API5: variants seen among roughly 807,000 people sequenced by gnomAD.
API5 encodes FIF.
A neutral mutation model predicts 71.9 loss-of-function variants in API5; 6 were observed. The observed-to-expected ratio is 0.08, with a 90% CI of 0.05 to 0.16. API5 has a LOEUF of 0.16. Among genes scored for constraint, API5 ranks in the 10% least tolerant of loss-of-function variants. The pLI is 1.00. For synonymous variants in API5, 189 were observed against 221.3 expected (o/e 0.85, Z 1.30); for missense variants, 332 against 612.8 (o/e 0.54, Z 4.84).
chr11:43,334,715 G>T (rs1020667088), intron 11 of API5, among the ~76,000 whole-genome samples: 2 of 151,934 alleles, frequency 1.3e-5, no homozygotes, highest in African/African-American at 2.4e-5. Context: ...TGATCACTCG[G>T]TATTTAAATC....
chr11:43,330,030 A>G lies in API5; in HGVS notation c.1193A>G (p.Lys398Arg). Residue 398 changes from lysine (K) to arginine (R), a missense_variant, in exon 10 of 14, where the codon AAA becomes AGA. This residue lies in a region of API5 where 168 missense variants were observed against 343.9 expected (regional missense o/e 0.49). Transcript: ENST00000531273. ...CAACTTCGCTTAGCTCTCCAGGGTAAAACGGGTGAGGCCTTAAAAACAGAA... is the reference window on the plus strand; with the variant it reads ...CAACTTCGCTTAGCTCTCCAGGGTAGAACGGGTGAGGCCTTAAAAACAGAA... ...IRQLRLALQG[K>R]TGEALKTEEN... The G allele has an allele frequency of 6.2e-7, 1 of 1,613,870 alleles. No individual in the cohort carries two copies.
At chr11:43,337,683 A>G (rs1208017978) in intron 13 of API5, among the ~76,000 whole-genome samples, 1 of 152,232 alleles carries the variant, frequency 6.6e-6, no homozygotes, top group Non-Finnish European at 1.5e-5. Context: ...GTTGAATCAC[A>G]TGTTGTTCTC....
At chr11:43,323,745 G>C (rs1854973733) in intron 6 of API5, 109 bp downstream of exon 6, 1 of 1,042,496 alleles carries the variant, frequency 9.6e-7, no homozygotes, top group Non-Finnish European at 1.4e-6. Flanking sequence ...TATCTGAAAT[G>C]CTTGCTTGGA....
chr11:43,330,614 C>A, intron 11 of API5, 50 bp downstream of exon 11: 1 of 1,385,266 alleles, frequency 7.2e-7, no homozygotes, highest in Non-Finnish European at 1.0e-6. Context: ...TAAAATCATA[C>A]ATTTATTTAT....
At chr11:43,319,863 A>AT (rs1565101718) in intron 2 of API5, among the ~76,000 whole-genome samples, 2 of 152,210 alleles carry the variant, frequency 1.3e-5, no homozygotes, top group South Asian at 4.1e-4. Context: ...CACAGTAGCC[A>AT]TTTTTTAGGA....
chr11:43,313,138 T>C (rs1450810443), intron 1 of API5, among the ~76,000 whole-genome samples: 1 of 151,888 alleles, frequency 6.6e-6, no homozygotes, highest in Non-Finnish European at 1.5e-5. Context: ...TTTTAAAAAT[T>C]TATTCTTTTT....
At chr11:43,330,691 T>A (rs918015789) in intron 11 of API5, 127 bp downstream of exon 11, 1 of 721,966 alleles carries the variant, frequency 1.4e-6, no homozygotes, top group Non-Finnish European at 2.3e-6. Flanking sequence ...CTCAAAGCAT[T>A]GAAACAGATA....
intron 13 of API5, among the ~76,000 whole-genome samples, chr11:43,336,822 CAG>C (rs547049175): frequency 1.6e-3 from 237 of 151,864 alleles, no homozygotes; most frequent in Non-Finnish European, 2.8e-3. Flanking sequence ...TCCTGGCTAA[CAG>C]GGTGAAACCC....
chr11:43,314,074 G>A (rs1046824410), intron 1 of API5, among the ~76,000 whole-genome samples: 1 of 151,058 alleles, frequency 6.6e-6, no homozygotes, highest in African/African-American at 2.4e-5. Flanking sequence ...GGGCAACAGA[G>A]CAAGACTCCA....
intron 1 of API5, 151 bp from the exon 2 acceptor site, chr11:43,318,489 G>A: frequency 6.5e-7 from 1 of 1,538,732 alleles, no homozygotes; most frequent in Non-Finnish European, 8.7e-7. Context: ...GAAGGTAAGT[G>A]TCAGTTTGAG....
intron 13 of API5, among the ~76,000 whole-genome samples, chr11:43,338,116 A>AT (rs1855495212): frequency 6.6e-6 from 1 of 152,194 alleles, no homozygotes; most frequent in South Asian, 2.1e-4. Flanking sequence ...CTAAAATCTG[A>AT]TTCTTCTTAT....
intron 2 of API5, among the ~76,000 whole-genome samples, chr11:43,320,608 A>G (rs7927637): frequency 2.6e-5 from 4 of 151,952 alleles, no homozygotes; most frequent in African/African-American, 9.7e-5. Flanking sequence ...GCTTGCGTCT[A>G]TAGTCCTAGC....
chr11:43,327,785 T>G lies in API5; in HGVS notation c.856-4T>G, dbSNP rs1855122644. ...AAACAGTAATAGTGAATTGTGTGTT[T>G]TAGGTATTGAAATTGTTGGCGGAGA... On this transcript the variant is annotated splice_region_variant and splice_polypyrimidine_tract_variant and intron_variant, in intron 7 of 13. Coordinates refer to ENST00000531273, the MANE Select transcript of API5 (RefSeq NM_001142930.2). 5 of 1,608,648 alleles carry G rather than the reference T, an allele frequency of 3.1e-6. No homozygotes were observed. The East Asian group carries it at 1.1e-4, about 36-fold the overall frequency.
intron 13 of API5, chr11:43,339,408 G>A (rs910343740): frequency 1.3e-5 from 2 of 152,160 alleles, no homozygotes; most frequent in African/African-American, 2.4e-5. Context: ...GCTATAATGA[G>A]GAAGTTTAGA....
In API5 at chr11:43,329,953, A is replaced by G. The variant is rs1855198971; in HGVS notation, c.1128-12A>G. 1.2e-6 allele frequency: 2 copies of G among 1,611,142 alleles called. No homozygotes were observed. The highest frequency in any genetic ancestry group is 2.2e-5 in the South Asian group (2 of 90,852). ...TGATGAATTGCTAATTAACAAATAC[A>G]TTTTCATTTAGGCTGCAGTACTTTG... On this transcript the variant is annotated splice_polypyrimidine_tract_variant and intron_variant, in intron 9 of 13. Coordinates refer to ENST00000531273, the MANE Select transcript of API5 (RefSeq NM_001142930.2).
rs1309440780 is a variant in API5, at chr11:43,335,669, A to ATT, written c.1356-188_1356-187insTT. Reference sequence around the variant, plus strand: ...TTCAGATTATTTTAAAGGCTTGTAAATGCCTTCTGACATTGTCTGCATAAC... The same window carrying ATT: ...TTCAGATTATTTTAAAGGCTTGTAAATTTGCCTTCTGACATTGTCTGCATAAC... On this transcript the variant is annotated intron_variant, in intron 12 of 13. Transcript: ENST00000531273. Among the ~76,000 whole-genome samples, 3 of 152,330 alleles carry ATT rather than the reference A, an allele frequency of 2.0e-5. No individual in the cohort carries two copies. The East Asian group carries it at 5.8e-4, about 29-fold the overall frequency.
rs1215615762 is a variant in API5, at chr11:43,342,563, T to C, written c.*53T>C. The C allele has an allele frequency of 1.3e-6, 2 of 1,568,450 alleles. No homozygotes were observed. Among genetic ancestry groups the C allele is most frequent in the South Asian group, 1.1e-5 (1 of 89,748 alleles). Reference sequence around the variant, plus strand: ...TCATGAGCTTAATATACTTAAATTCTACTACTCATTGGATTGCCGGGGATG... The same window carrying C: ...TCATGAGCTTAATATACTTAAATTCCACTACTCATTGGATTGCCGGGGATG... On this transcript the variant is annotated 3_prime_UTR_variant, in exon 14 of 14. Coordinates refer to ENST00000531273, the MANE Select transcript of API5 (RefSeq NM_001142930.2).
chr11:43,334,553 A>G (rs947630485), intron 11 of API5, among the ~76,000 whole-genome samples: 4 of 152,126 alleles, frequency 2.6e-5, no homozygotes, highest in East Asian at 1.9e-4. Context: ...AATTTTACCT[A>G]TATACAAAAA....
intron 5 of API5, among the ~76,000 whole-genome samples, chr11:43,322,643 T>C (rs913989093): frequency 1.3e-5 from 2 of 152,226 alleles, no homozygotes; most frequent in Non-Finnish European, 2.9e-5. Context: ...AACTTTTCAC[T>C]CATCTTAATG....
Sources: allele counts gnomAD v4.1 joint callset (sites outside exome capture counted in the v4.1 genomes callset), GRCh38; gene constraint gnomAD v4.1.1; regional missense constraint gnomAD v4.1.1; transcripts MANE v1.5; gene names NCBI Gene and HGNC (gene_info 2026-07-23, HGNC 2026-07-21).